MGST1: variants seen among roughly 807,000 people sequenced by gnomAD.
The protein encoded by MGST1 is glutathione S-transferase 12.
Under a neutral mutation model 8.9 loss-of-function variants are expected in MGST1, and 5 were observed. The observed-to-expected ratio is 0.56, with a 90% confidence interval of 0.29 to 1.19. The LOEUF is 1.19. Among genes scored for constraint, MGST1 ranks in the 50% most tolerant of loss-of-function variants. The pLI is 0.08. For synonymous variants in MGST1, 54 were observed against 67.8 expected (o/e 0.80, Z 1.00); for missense variants, 182 against 187.4 (o/e 0.97, Z 0.17).
At chr12:16,396,326 A>G (rs1366219933) in intron 1 of MGST1, among the ~76,000 whole-genome samples, 1 of 152,230 alleles carries the variant, frequency 6.6e-6, no homozygotes, top group African/African-American at 2.4e-5. Context: ...CACAGCTAAC[A>G]TAATGCTGAA....
chr12:16,387,056 ATTAG>A (rs1940509952), intron 1 of MGST1, among the ~76,000 whole-genome samples: 1 of 152,202 alleles, frequency 6.6e-6, no homozygotes, highest in Non-Finnish European at 1.5e-5. Flanking sequence ...CTATTTTATT[ATTAG>A]TTACTAGTTA....
At chr12:16,556,234 C>T (rs1301960320) in intron 4 of MGST1, among the ~76,000 whole-genome samples, 1 of 152,120 alleles carries the variant, frequency 6.6e-6, no homozygotes, top group Non-Finnish European at 1.5e-5. Flanking sequence ...GGAGAAGGGG[C>T]TTATTCACCT....
chr12:16,572,988 GA>G (rs1942866543), intron 4 of MGST1, among the ~76,000 whole-genome samples: 1 of 151,544 alleles, frequency 6.6e-6, no homozygotes, highest in Non-Finnish European at 1.5e-5. Context: ...TGAAAGTAGA[GA>G]TTTTTTTAAA....
chr12:16,377,418 T>C (rs144120446), downstream of MGST1, among the ~76,000 whole-genome samples: 1,178 of 151,456 alleles, frequency 7.8e-3, 21 homozygotes, highest in African/African-American at 0.027. Flanking sequence ...GTCCTTGCGA[T>C]AGTTTGCTGA....
In MGST1 at chr12:16,363,745, A is replaced by G. The variant is rs1243589430; in HGVS notation, c.222-50A>G. The G allele has an allele frequency of 5.6e-6, 8 of 1,432,646 alleles. No individual in the cohort carries two copies. Among genetic ancestry groups the G allele is most frequent in the East Asian group, 2.3e-5 (1 of 42,944 alleles). 88.7% of individuals were successfully genotyped at this position (1,432,646 alleles called of 1,614,324 possible). ...TTAGAAGAGAGAGAAAAAAGGATAC[A>G]TATCTAGTATTTTGAAATTAGTGTC... On this transcript the variant is annotated intron_variant, in intron 3 of 3. Coordinates refer to ENST00000396210, the MANE Select transcript of MGST1 (RefSeq NM_020300.5). This position sits in a 1 kb window ranked among gnomAD's most constrained non-coding sequence, Gnocchi z 4.6.
rs1394492271 is a variant in MGST1 at position 16,361,041 on chromosome 12, C to G, written c.222-2754C>G. 7.0e-6 allele frequency among the ~76,000 whole-genome samples: 1 copy of G among 143,358 alleles called. No individual in the cohort carries two copies. Among genetic ancestry groups the G allele is most frequent in the Non-Finnish European group, 1.5e-5 (1 of 66,960 alleles). 94.0% of individuals were successfully genotyped at this position (143,358 alleles called of 152,430 possible). On this transcript the variant is annotated intron_variant, in intron 3 of 3. Coordinates refer to ENST00000396210, the MANE Select transcript of MGST1 (RefSeq NM_020300.5). This position sits in a 1 kb window ranked among gnomAD's most constrained non-coding sequence, Gnocchi z 4.2. ...ATAGGAATGGGAGAATGATATGAAG[C>G]CATGTTCCATTAGTTCCATGGAATA...
Position 16,499,740 on chromosome 12 carries a change from G to C in MGST1, n.483-89788G>C, listed in dbSNP as rs1406804842. Among the ~76,000 whole-genome samples the C allele has an allele frequency of 1.3e-5, 2 of 151,818 alleles. 1 individual carries two copies. Among genetic ancestry groups the C allele is most frequent in the Non-Finnish European group, 2.9e-5 (2 of 67,980 alleles). ...TCTTGTTTTCATTTGCTCAAGCTCC[G>C]TTTCTCAGTTCCGGATGTTCTGAAG... On this transcript the variant is annotated intron_variant and non_coding_transcript_variant, in intron 4 of 4. Coordinates refer to the MGST1 transcript ENST00000538857.
chr12:16,483,670 T>A (rs1386602861), intron 4 of MGST1, among the ~76,000 whole-genome samples: 1 of 152,174 alleles, frequency 6.6e-6, no homozygotes, highest in Non-Finnish European at 1.5e-5. Context: ...AGAACCATTT[T>A]AAACAAATAT....
chr12:16,471,920 TACACACAC>T (rs10628214), intron 4 of MGST1, among the ~76,000 whole-genome samples: 2 of 148,920 alleles, frequency 1.3e-5, no homozygotes, highest in South Asian at 2.1e-4. Context: ...TACACACACA[TACACACAC>T]ACACACACAC....
chr12:16,364,877 C>T (rs561425671), downstream of MGST1, among the ~76,000 whole-genome samples: 27 of 152,158 alleles, frequency 1.8e-4, no homozygotes, highest in African/African-American at 6.3e-4. The surrounding 1 kb of genome is among the most constrained non-coding windows in gnomAD (Gnocchi z 5.7). Flanking sequence ...CTTTCTTTCT[C>T]TTTTGTATAA....
At chr12:16,393,037 A>AT (rs1242469791) in intron 1 of MGST1, among the ~76,000 whole-genome samples, 4 of 152,200 alleles carry the variant, frequency 2.6e-5, no homozygotes, top group African/African-American at 4.8e-5. Flanking sequence ...AATGTCACCC[A>AT]TCATGAGTTG....
intron 4 of MGST1, among the ~76,000 whole-genome samples, chr12:16,464,846 A>G (rs547982863): frequency 1.3e-5 from 2 of 152,344 alleles, no homozygotes; most frequent in Admixed American, 1.3e-4. Flanking sequence ...AAATTTTTCA[A>G]TAACTTATAC....
At chr12:16,568,679 G>A (rs1027128341) in intron 4 of MGST1, among the ~76,000 whole-genome samples, 15 of 152,282 alleles carry the variant, frequency 9.9e-5, no homozygotes, top group East Asian at 1.9e-4. Flanking sequence ...CATTAAATAC[G>A]TTGTTTAAAA....
chr12:16,384,140 C>T (rs1389693166), intron 1 of MGST1, among the ~76,000 whole-genome samples: 1 of 151,960 alleles, frequency 6.6e-6, no homozygotes, highest in African/African-American at 2.4e-5. Context: ...TGCTGGGGTC[C>T]CCTGAGGGAA....
intron 4 of MGST1, among the ~76,000 whole-genome samples, chr12:16,487,046 C>A (rs1482956331): frequency 6.6e-6 from 1 of 152,186 alleles, no homozygotes; most frequent in East Asian, 1.9e-4. Context: ...GCCAGAATTT[C>A]TCCTATAGGA....
In MGST1 at chr12:16,559,169, C is replaced by T. The variant is rs979170834; in HGVS notation, n.483-30359C>T. 1.3e-5 allele frequency among the ~76,000 whole-genome samples: 2 copies of T among 152,148 alleles called. No homozygotes were observed. Among genetic ancestry groups the T allele is most frequent in the Non-Finnish European group, 2.9e-5 (2 of 68,002 alleles). On this transcript the variant is annotated intron_variant and non_coding_transcript_variant, in intron 4 of 4. Coordinates refer to the MGST1 transcript ENST00000538857. The surrounding 1 kb of genome is among the most constrained non-coding windows in gnomAD (Gnocchi z 4.1). ...TTATATACTCTGCCAGGTGTTCTCA[C>T]AGAAAGTCAGTGAATTCATTTTCAT...
intron 4 of MGST1, among the ~76,000 whole-genome samples, chr12:16,498,707 G>A (rs1217861200): frequency 1.3e-5 from 2 of 152,154 alleles, no homozygotes; most frequent in African/African-American, 4.8e-5. Context: ...CGCTTTCCAT[G>A]ATCAAATGAT....
At chr12:16,367,922 T>TTTTTTTTTTTTTTTTTTTAGAA (rs1565440579), downstream of MGST1, among the ~76,000 whole-genome samples, 1 of 152,192 alleles carries the variant, frequency 6.6e-6, no homozygotes, top group African/African-American at 2.4e-5. Flanking sequence ...TCCTGTTTCT[T>TTTTTTTTTTTTTTTTTTTAGAA]GGGCTATCCA....
intron 4 of MGST1, among the ~76,000 whole-genome samples, chr12:16,477,682 C>A (rs1372540350): frequency 6.6e-6 from 1 of 152,144 alleles, no homozygotes; most frequent in Admixed American, 6.6e-5. Context: ...GGTCATACTG[C>A]CTCTTAAATC....
Sources: allele counts gnomAD v4.1 joint callset (sites outside exome capture counted in the v4.1 genomes callset), GRCh38; gene constraint gnomAD v4.1.1; non-coding constraint Gnocchi (gnomAD v3.1); transcripts MANE v1.5; gene names NCBI Gene and HGNC (gene_info 2026-07-23, HGNC 2026-07-21).